TRIM67: variants seen among roughly 807,000 people sequenced by gnomAD.
The protein encoded by TRIM67 is tripartite motif-containing protein 67.
A neutral mutation model predicts 71.0 loss-of-function variants in TRIM67; 39 were observed. The observed-to-expected ratio is 0.55, with a 90% CI of 0.43 to 0.72. The LOEUF (loss-of-function observed/expected upper bound fraction) is 0.72. Ranked by LOEUF, TRIM67 falls within the 30% of genes least tolerant of loss-of-function variation. The pLI, the probability that TRIM67 is intolerant of heterozygous loss-of-function variation, is 0.00. For synonymous variants in TRIM67, 481 were observed against 473.9 expected (o/e 1.01, Z -0.19); for missense variants, 973 against 1,079.2 (o/e 0.90, Z 1.38).
Position 231,200,269 on chromosome 1 carries a change from C to T in TRIM67, c.1374+11C>T. ...TCCGGGTTCTTACAGGTGAGCCTGTCCCTGGAAGACACAAAGTGGGCTTCC... is the reference window on the plus strand; with the variant it reads ...TCCGGGTTCTTACAGGTGAGCCTGTTCCTGGAAGACACAAAGTGGGCTTCC... On this transcript the variant is annotated intron_variant, in intron 4 of 9. Transcript: ENST00000366653. The T allele has an allele frequency of 5.1e-6, 8 of 1,564,908 alleles. No individual in the cohort carries two copies. Among genetic ancestry groups the T allele is most frequent in the Non-Finnish European group, 7.0e-6 (8 of 1,135,510 alleles).
At chr1:231,204,263 T>C (rs960209576) in intron 6 of TRIM67, among the ~76,000 whole-genome samples, 6 of 152,170 alleles carry the variant, frequency 3.9e-5, no homozygotes, top group Non-Finnish European at 7.3e-5. Context: ...CCACCTCCTT[T>C]CCCGTTTACC....
At chr1:231,189,411 CT>C (rs1296376361) in intron 1 of TRIM67, among the ~76,000 whole-genome samples, 2 of 152,082 alleles carry the variant, frequency 1.3e-5, no homozygotes, top group African/African-American at 4.8e-5. Context: ...GATTATCCTG[CT>C]TTAACCTCAC....
chr1:231,207,082 C>T (rs1441796460), intron 7 of TRIM67, among the ~76,000 whole-genome samples: 1 of 152,214 alleles, frequency 6.6e-6, no homozygotes, highest in African/African-American at 2.4e-5. Flanking sequence ...GAGGTGCATA[C>T]GCCTCACCCT....
intron 1 of TRIM67, among the ~76,000 whole-genome samples, chr1:231,195,793 T>C (rs1174598537): frequency 6.6e-6 from 1 of 152,220 alleles, no homozygotes; most frequent in Non-Finnish European, 1.5e-5. Flanking sequence ...CCTGGAGGGC[T>C]TGGTAAACCG....
Position 231,213,900 on chromosome 1 carries a change from C to A in TRIM67, c.2209C>A (p.Gln737Lys), listed in dbSNP as rs1683938387. ...CACTCTCACCTTCTTCATCAACGGGCAGCAGCAGGGCCCCACAGCCTTCAG... is the reference window on the plus strand; with the variant it reads ...CACTCTCACCTTCTTCATCAACGGGAAGCAGCAGGGCCCCACAGCCTTCAG... The part of the protein sequence containing the change: ...KHTLTFFING[Q>K]QQGPTAFSHV... Residue 737 changes from glutamine (Q) to lysine (K), a missense_variant, in exon 9 of 10, where the codon CAG (glutamine) becomes AAG (lysine). By Grantham distance (53) the Gln-to-Lys change is moderately conservative. Around this residue, in one of 2 missense-constraint regions of TRIM67, gnomAD observed 178 missense variants for 247.9 expected, o/e 0.72. Transcript: ENST00000366653. The A allele has an allele frequency of 1.2e-6, 2 of 1,613,778 alleles. No homozygotes were observed. The highest frequency in any genetic ancestry group is 2.2e-5 in the East Asian group (1 of 44,870).
Position 231,215,830 on chromosome 1 carries a change from G to A in TRIM67, c.*390G>A. On this transcript the variant is annotated 3_prime_UTR_variant, in exon 10 of 10. Transcript: ENST00000366653. ...CTTTGAGACTGGCCTCCTGAGAGCG[G>A]CAGTCAGGAGCTGCGCTGTAATCCC... 9.8e-7 allele frequency: 1 copy of A among 1,016,034 alleles called. No homozygotes were observed. The highest frequency in any genetic ancestry group is 4.6e-5 in the South Asian group (1 of 21,804). 62.9% of individuals were successfully genotyped at this position (1,016,034 alleles called of 1,614,324 possible). A position where few individuals can be genotyped will look rare whatever the true frequency, so the allele number is the denominator to read the frequency against.
chr1:231,196,590 T>A (rs1466795181), intron 1 of TRIM67, among the ~76,000 whole-genome samples: 3 of 150,130 alleles, frequency 2.0e-5, no homozygotes, highest in Non-Finnish European at 4.4e-5. Flanking sequence ...AAAAAAAAAA[T>A]CAAGGTCACA....
intron 6 of TRIM67, among the ~76,000 whole-genome samples, chr1:231,205,151 A>G (rs897968557): frequency 1.3e-5 from 2 of 152,212 alleles, no homozygotes; most frequent in Non-Finnish European, 2.9e-5. Context: ...GAGCTTAAAA[A>G]TGGTCCCTCC....
Position 231,213,828 on chromosome 1 carries a change from G to T in TRIM67, c.2137G>T (p.Val713Leu), listed in dbSNP as rs751164637. The part of the protein sequence containing the change: ...NSHTNRTEGG[V>L]CKGATVGVLL... ...CTCTCTTCCCAGGACGGAAGGTGGC[G>T]TGTGCAAGGGGGCCACCGTGGGCGT... Residue 713 changes from valine to leucine, a missense_variant, in exon 9 of 10, where the codon GTG (valine) becomes TTG (leucine). Val to Leu is a conservative substitution (Grantham distance 32). Coordinates refer to ENST00000366653, the MANE Select transcript of TRIM67 (RefSeq NM_001004342.5). The T allele has an allele frequency of 1.3e-6, 2 of 1,599,280 alleles. No individual in the cohort carries two copies. The highest frequency in any genetic ancestry group is 2.2e-5 in the South Asian group (2 of 89,142).
Position 231,218,528 on chromosome 1 carries a change from A to G in TRIM67, c.*3088A>G, listed in dbSNP as rs1684069827. On this transcript the variant is annotated 3_prime_UTR_variant, in exon 10 of 10. Transcript: ENST00000366653. ...AAAATATCCACTAGCACCTCACTGCATACATAGCATCCCAGCTCCTAATTC... is the reference window on the plus strand; with the variant it reads ...AAAATATCCACTAGCACCTCACTGCGTACATAGCATCCCAGCTCCTAATTC... 1 of 985,352 alleles carries G rather than the reference A, an allele frequency of 1.0e-6. No homozygotes were observed. The highest frequency in any genetic ancestry group is 6.1e-5 in the Admixed American group (1 of 16,268). 61.0% of individuals were successfully genotyped at this position (985,352 alleles called of 1,614,324 possible). A position where few individuals can be genotyped will look rare whatever the true frequency, so the allele number is the denominator to read the frequency against.
At chr1:231,170,461 G>A (rs1682594237) in intron 1 of TRIM67, among the ~76,000 whole-genome samples, 1 of 152,160 alleles carries the variant, frequency 6.6e-6, no homozygotes, top group African/African-American at 2.4e-5. Flanking sequence ...GGCTGTGAAT[G>A]AACAATCCTC....
chr1:231,170,232 CA>C (rs1558290128), intron 1 of TRIM67, among the ~76,000 whole-genome samples: 1 of 151,992 alleles, frequency 6.6e-6, no homozygotes, highest in African/African-American at 2.4e-5. Context: ...GTGATCCGCC[CA>C]CCTCTGCCTC....
intron 8 of TRIM67, among the ~76,000 whole-genome samples, chr1:231,213,472 A>G (rs1683927258): frequency 6.6e-6 from 1 of 152,168 alleles, no homozygotes; most frequent in Admixed American, 6.5e-5. Flanking sequence ...CATGCCTTTA[A>G]TCCCAGCACT....
In TRIM67 at chr1:231,162,365, G is replaced by C. The variant is rs1246989679; in HGVS notation, c.-605G>C. 2 of 152,200 alleles carry C rather than the reference G, an allele frequency of 1.3e-5. No individual in the cohort carries two copies. Among genetic ancestry groups the C allele is most frequent in the Non-Finnish European group, 2.9e-5 (2 of 68,042 alleles). The allele number at this position is 152,200 out of a possible 1,614,324, so 9.4% of individuals were successfully genotyped here. On this transcript the variant is annotated 5_prime_UTR_variant, in exon 1 of 10. Transcript: ENST00000366653. The stretch of plus-strand genomic sequence containing the variant: ...CGGCCCCAGCGACCCGGCGGGTGGC[G>C]GCCCAGGGGTCGGCGAGCAGGCAGC...
At chr1:231,202,483 G>T (rs865903483) in intron 5 of TRIM67, among the ~76,000 whole-genome samples, 13 of 152,080 alleles carry the variant, frequency 8.5e-5, no homozygotes, top group African/African-American at 2.9e-4. Context: ...ACCCTAGAGG[G>T]TTAAGTAAAG....
chr1:231,218,584 G>C lies in TRIM67; in HGVS notation c.*3144G>C. On this transcript the variant is annotated 3_prime_UTR_variant, in exon 10 of 10. Coordinates refer to ENST00000366653, the MANE Select transcript of TRIM67 (RefSeq NM_001004342.5). ...AGGGGAAGGTATTTCCCCAAAGCCT[G>C]CTTTTCCTCTCTCTGTTCTCCTTGG... The C allele has an allele frequency of 1.0e-6, 1 of 985,428 alleles. No homozygotes were observed. Among genetic ancestry groups the C allele is most frequent in the Non-Finnish European group, 1.2e-6 (1 of 829,956 alleles). 61.0% of individuals were successfully genotyped at this position (985,428 alleles called of 1,614,324 possible).
chr1:231,213,829 T>C lies in TRIM67; in HGVS notation c.2138T>C (p.Val713Ala). 6.3e-7 allele frequency: 1 copy of C among 1,599,976 alleles called. No individual in the cohort carries two copies. The highest frequency in any genetic ancestry group is 2.2e-5 in the East Asian group (1 of 44,594). The change falls in exon 9 of 10, where the codon GTG (valine) becomes GCG (alanine). Residue 713 changes from valine (V) to alanine (A), a missense_variant. Val to Ala is a moderately conservative substitution (Grantham distance 64, BLOSUM62 0). Transcript: ENST00000366653. Reference sequence around the variant, plus strand: ...TCTCTTCCCAGGACGGAAGGTGGCGTGTGCAAGGGGGCCACCGTGGGCGTG... The same window carrying C: ...TCTCTTCCCAGGACGGAAGGTGGCGCGTGCAAGGGGGCCACCGTGGGCGTG... ...NSHTNRTEGG[V>A]CKGATVGVLL... is the part of the protein sequence containing the mutation.
At chr1:231,194,797 C>T (rs984612550) in intron 1 of TRIM67, among the ~76,000 whole-genome samples, 4 of 152,154 alleles carry the variant, frequency 2.6e-5, no homozygotes, top group African/African-American at 7.2e-5. Flanking sequence ...ATCCTCCTGC[C>T]CCAGCCTCCC....
In TRIM67 at chr1:231,171,869, C is replaced by T. The variant is rs986579101; in HGVS notation, c.1044+7856C>T. On this transcript the variant is annotated intron_variant, in intron 1 of 9. Coordinates refer to ENST00000366653, the MANE Select transcript of TRIM67 (RefSeq NM_001004342.5). The stretch of plus-strand genomic sequence containing the variant: ...CAGCACTTTGGAAGGCAGAGGCGGG[C>T]GAATTGCTTGAGGCCAAGAGTTTGA... Among the ~76,000 whole-genome samples the T allele has an allele frequency of 3.9e-5, 6 of 152,078 alleles. No individual in the cohort carries two copies. The East Asian group carries it at 7.7e-4, about 20-fold the overall frequency.
Sources: gnomAD v4.1 joint callset for allele counts (sites outside exome capture counted in the v4.1 genomes callset) on GRCh38, gnomAD v4.1.1 for gene constraint, gnomAD v4.1.1 regional missense constraint, MANE v1.5 for transcripts, NCBI Gene and HGNC (gene_info 2026-07-23, HGNC 2026-07-21) for gene names.